TDG: variants seen among roughly 807,000 people sequenced by gnomAD.
TDG encodes G/T mismatch-specific thymine DNA glycosylase.
Under a neutral mutation model 46.1 loss-of-function variants are expected in TDG, and 23 were observed. The observed-to-expected ratio is 0.50, with a 90% CI of 0.36 to 0.71. The LOEUF (loss-of-function observed/expected upper bound fraction) is 0.71, where lower values mean the gene tolerates loss of function less well. TDG is among the 30% of genes least tolerant of loss of function. TDG has a pLI of 0.00. For synonymous variants in TDG, 115 were observed against 161.3 expected (o/e 0.71, Z 2.18); for missense variants, 304 against 486.7 (o/e 0.62, Z 3.53).
intron 2 of TDG, among the ~76,000 whole-genome samples, chr12:103,979,423 G>A (rs1871707469): frequency 1.3e-5 from 2 of 151,778 alleles, no homozygotes; most frequent in South Asian, 2.1e-4. Context: ...TTTTCTACTG[G>A]GGAAGTTGAG....
chr12:103,985,035 A>C, intron 8 of TDG, 115 bp downstream of exon 8: 1 of 711,284 alleles, frequency 1.4e-6, no homozygotes, highest in Non-Finnish European at 2.0e-6. Flanking sequence ...ATATGTGTGC[A>C]CATATATGCA....
intron 1 of TDG, among the ~76,000 whole-genome samples, chr12:103,972,512 A>G (rs1009137665): frequency 2.0e-5 from 3 of 152,200 alleles, no homozygotes; most frequent in African/African-American, 7.2e-5. Flanking sequence ...AGAATGTTGT[A>G]ATCCACCATC....
At chr12:103,969,411 C>G (rs1336297048) in intron 1 of TDG, among the ~76,000 whole-genome samples, 3 of 152,226 alleles carry the variant, frequency 2.0e-5, no homozygotes, top group Non-Finnish European at 4.4e-5. Context: ...TGACTTACTA[C>G]TGAAAGAATC....
chr12:103,980,138 T>C, intron 3 of TDG, 66 bp downstream of exon 3: 1 of 1,592,324 alleles, frequency 6.3e-7, no homozygotes, highest in South Asian at 1.2e-5. Context: ...TTAACAGTTG[T>C]CCTTGCAAAT....
intron 3 of TDG, 53 bp downstream of exon 3, chr12:103,980,125 TACTTA>T: frequency 6.2e-7 from 1 of 1,601,384 alleles, no homozygotes; most frequent in South Asian, 1.1e-5. Context: ...GGATCAGCTT[TACTTA>T]ACAGTTGTCC....
chr12:103,983,105 T>C, intron 5 of TDG, 31 bp from the exon 6 acceptor site: 1 of 1,557,670 alleles, frequency 6.4e-7, no homozygotes, highest in Non-Finnish European at 8.7e-7. Flanking sequence ...GTCATATTTA[T>C]ATTTTTGACT....
At chr12:103,985,042 TGC>T in intron 8 of TDG, 122 bp downstream of exon 8, 7 of 663,748 alleles carry the variant, frequency 1.1e-5, no homozygotes, top group Non-Finnish European at 1.5e-5. Flanking sequence ...TGCACATATA[TGC>T]ACACGTGTAT....
chr12:103,985,002 CATATAT>C (rs1872051101), intron 8 of TDG, 82 bp downstream of exon 8: 3 of 1,103,016 alleles, frequency 2.7e-6, no homozygotes, highest in East Asian at 6.4e-5. Context: ...TACACATATA[CATATAT>C]ACATATACAC....
In TDG at chr12:103,987,764, T is replaced by C. The variant is rs1280472069; in HGVS notation, c.*674T>C. The C allele has an allele frequency of 1.3e-5, 2 of 152,572 alleles. No homozygotes were observed. The highest frequency in any genetic ancestry group is 2.9e-5 in the Non-Finnish European group (2 of 68,056). 9.5% of individuals were successfully genotyped at this position (152,572 alleles called of 1,614,324 possible). A position where few individuals can be genotyped will look rare whatever the true frequency, so the allele number is the denominator to read the frequency against. On this transcript the variant is annotated 3_prime_UTR_variant, in exon 10 of 10. Transcript: ENST00000392872. ...CTCTGGGGTGGCAGGTTCCAGAGAA[T>C]GCAGTAGACCTTTTGCCACTCATCT... is the stretch of plus-strand genomic sequence containing the variant.
chr12:103,977,149 T>C, intron 2 of TDG, 89 bp downstream of exon 2: 1 of 1,523,398 alleles, frequency 6.6e-7, no homozygotes, highest in Non-Finnish European at 8.8e-7. Context: ...TAGCTCTATT[T>C]TAGTGTTAAA....
intron 7 of TDG, 63 bp downstream of exon 7, chr12:103,983,452 T>C: frequency 1.4e-5 from 17 of 1,227,344 alleles, no homozygotes; most frequent in Non-Finnish European, 1.9e-5. Context: ...GATAATTTCC[T>C]TATTTGTCCT....
At position 103,988,514 on chromosome 12, in the gene TDG, T is replaced by G. The variant is rs1872312797; in HGVS notation, c.*1424T>G. On this transcript the variant is annotated 3_prime_UTR_variant, in exon 10 of 10. Coordinates refer to ENST00000392872, the MANE Select transcript of TDG (RefSeq NM_003211.6). ...TACATGGACGTTTTGTGCGGGTGCT[T>G]TGAAGTGCCTTGCATCAGGGATTAG... 1 of 152,772 alleles carries G rather than the reference T, an allele frequency of 6.5e-6. No individual in the cohort carries two copies. Among genetic ancestry groups the G allele is most frequent in the South Asian group, 2.1e-4 (1 of 4,838 alleles). 9.5% of individuals were successfully genotyped at this position (152,772 alleles called of 1,614,324 possible).
In TDG at chr12:103,982,651, G is replaced by C; in HGVS notation, c.479-148G>C. 6.1e-6 allele frequency: 4 copies of C among 656,270 alleles called. No individual in the cohort carries two copies. The South Asian group carries it at 8.8e-5, about 14-fold the overall frequency. 40.7% of individuals were successfully genotyped at this position (656,270 alleles called of 1,614,324 possible). A position where few individuals can be genotyped will look rare whatever the true frequency, so the allele number is the denominator to read the frequency against. On this transcript the variant is annotated intron_variant, in intron 4 of 9. Transcript: ENST00000392872. Reference sequence around the variant, plus strand: ...GTGGTGGTGTGCATCTGGGGTTCCAGCCACTCAGGAGGCTGAAGTGGGAGG... The same window carrying C: ...GTGGTGGTGTGCATCTGGGGTTCCACCCACTCAGGAGGCTGAAGTGGGAGG...
At chr12:103,978,871 G>C (rs1419197453) in intron 2 of TDG, among the ~76,000 whole-genome samples, 1 of 152,042 alleles carries the variant, frequency 6.6e-6, no homozygotes, top group Non-Finnish European at 1.5e-5. Flanking sequence ...TCTGTAATGT[G>C]CAGTACAGCC....
chr12:103,983,882 A>G (rs1871986371), intron 7 of TDG, among the ~76,000 whole-genome samples: 1 of 152,228 alleles, frequency 6.6e-6, no homozygotes, highest in Non-Finnish European at 1.5e-5. Context: ...TTATACACAA[A>G]GTCATCATGA....
intron 1 of TDG, among the ~76,000 whole-genome samples, chr12:103,974,489 C>G (rs972875136): frequency 6.6e-6 from 1 of 152,064 alleles, no homozygotes; most frequent in Admixed American, 6.6e-5. Context: ...CTATATTGCC[C>G]CGGCCACTCT....
intron 1 of TDG, 48 bp downstream of exon 1, chr12:103,966,108 G>A (rs777138437): frequency 1.3e-6 from 2 of 1,493,762 alleles, no homozygotes; most frequent in South Asian, 1.3e-5. Context: ...CTCACTGCTG[G>A]GCAGGCTGGC....
intron 7 of TDG, among the ~76,000 whole-genome samples, chr12:103,983,813 T>A (rs1160517391): frequency 6.6e-6 from 1 of 152,198 alleles, no homozygotes; most frequent in African/African-American, 2.4e-5. Flanking sequence ...TAGAGCCATA[T>A]AAATAATACA....
intron 4 of TDG, 80 bp downstream of exon 4, chr12:103,981,042 G>A: frequency 2.3e-6 from 3 of 1,297,148 alleles, no homozygotes; most frequent in South Asian, 1.3e-5. Context: ...AACCAATTGT[G>A]TTTTTAAAAA....
Sources: allele counts gnomAD v4.1 joint callset (sites outside exome capture counted in the v4.1 genomes callset), GRCh38; gene constraint gnomAD v4.1.1; transcripts MANE v1.5; gene names NCBI Gene and HGNC (gene_info 2026-07-23, HGNC 2026-07-21).